Variants in CYP19A1 observed in about 807,000 individuals in gnomAD.
The protein encoded by CYP19A1 is cytochrome P450 family 19 subfamily A member 1.
Under a neutral mutation model 44.4 loss-of-function variants are expected in CYP19A1, and 32 were observed. The observed-to-expected ratio is 0.72, with a 90% confidence interval of 0.54 to 0.97. The LOEUF is 0.97. Ranked by LOEUF, CYP19A1 falls within the 50% of genes least tolerant of loss-of-function variation. The probability of loss-of-function intolerance (pLI) is 0.00; values close to 1 mark genes in which losing one functional copy is unlikely to be tolerated. For synonymous variants in CYP19A1, 212 were observed against 215.6 expected, an observed-to-expected ratio of 0.98 and a Z score of 0.14; for missense variants, 598 against 637.8, an observed-to-expected ratio of 0.94 and a Z score of 0.67.
At chr15:51,288,436 T>A (rs2035760441) in intron 1 of CYP19A1, among the ~76,000 whole-genome samples, 1 of 152,202 alleles carries the variant, frequency 6.6e-6, no homozygotes, top group Admixed American at 6.5e-5. Context: ...CCACACCCTT[T>A]GGGGGTTCCT....
chr15:51,220,473 C>T (rs1419546763), intron 5 of CYP19A1, among the ~76,000 whole-genome samples: 1 of 152,150 alleles, frequency 6.6e-6, no homozygotes. Flanking sequence ...AATAAGCAAT[C>T]AATAAATGTT....
At chr15:51,241,056 C>T (rs1329584828) in intron 2 of CYP19A1, among the ~76,000 whole-genome samples, 1 of 152,198 alleles carries the variant, frequency 6.6e-6, no homozygotes, top group Non-Finnish European at 1.5e-5. Flanking sequence ...GAGCTCCTAC[C>T]TCAGACAGTG....
intron 1 of CYP19A1, among the ~76,000 whole-genome samples, chr15:51,332,922 C>T (rs2036723758): frequency 6.6e-6 from 1 of 152,194 alleles, no homozygotes; most frequent in African/African-American, 2.4e-5. Flanking sequence ...TGGAATTTCT[C>T]AACCTATGAA....
chr15:51,291,806 C>T (rs1004395728), intron 1 of CYP19A1, among the ~76,000 whole-genome samples: 1 of 152,198 alleles, frequency 6.6e-6, no homozygotes, highest in South Asian at 2.1e-4. Context: ...ATGAGCAATA[C>T]ACTCAGCTTA....
chr15:51,297,126 C>T (rs748789000), intron 1 of CYP19A1, among the ~76,000 whole-genome samples: 20 of 152,176 alleles, frequency 1.3e-4, no homozygotes, highest in African/African-American at 2.4e-4. Context: ...GGAACAGGTT[C>T]GCGCAGCCCT....
chr15:51,280,914 A>C (rs2035496690), intron 1 of CYP19A1, among the ~76,000 whole-genome samples: 1 of 152,114 alleles, frequency 6.6e-6, no homozygotes, highest in Non-Finnish European at 1.5e-5. Context: ...TCCATATTCC[A>C]GTCTCAGGAA....
intron 1 of CYP19A1, among the ~76,000 whole-genome samples, chr15:51,333,445 A>C (rs559433936): frequency 6.6e-6 from 1 of 152,308 alleles, no homozygotes; most frequent in East Asian, 1.9e-4. Context: ...TGATGCCCAG[A>C]TACTGGTGCC....
intron 3 of CYP19A1, among the ~76,000 whole-genome samples, chr15:51,229,063 C>T (rs1056124047): frequency 6.6e-6 from 1 of 152,122 alleles, no homozygotes; most frequent in African/African-American, 2.4e-5. Flanking sequence ...TCCCAGAGGA[C>T]TCTAGACCAA....
chr15:51,245,512 T>C (rs1214594916), intron 1 of CYP19A1, among the ~76,000 whole-genome samples: 3 of 151,932 alleles, frequency 2.0e-5, no homozygotes, highest in African/African-American at 7.3e-5. Context: ...AAAGACAAAA[T>C]TGACAAATGG....
At chr15:51,317,003 G>T (rs1004714890) in intron 1 of CYP19A1, among the ~76,000 whole-genome samples, 2 of 152,142 alleles carry the variant, frequency 1.3e-5, no homozygotes, top group Non-Finnish European at 2.9e-5. Context: ...TGCTGGTGTG[G>T]CAAGACAGAG....
chr15:51,242,941 A>T lies in CYP19A1; in HGVS notation c.-29T>A, dbSNP rs769494314. On this transcript the variant is annotated 5_prime_UTR_variant, in exon 2 of 10. In the 5' UTR this introduces an upstream ATG that the reference lacks. Coordinates refer to ENST00000396402, the MANE Select transcript of CYP19A1 (RefSeq NM_000103.4). ...GTGTTCCTTGACCTCAGAGGGGGCA[A>T]TTTAGAGTCCTGTGGAAATCAAAGG... 6.4e-7 allele frequency: 1 copy of T among 1,556,538 alleles called. No individual in the cohort carries two copies. The highest frequency in any genetic ancestry group is 2.2e-5 in the East Asian group (1 of 44,608).
rs1205583684 is a variant in CYP19A1, at chr15:51,210,997, G to A, written c.1323C>T (p.Tyr441=). ...GFGPRGCAGK[Y]IAMVMMKAIL... ...TGGCTTTCATCATCACCATGGCGAT[G>A]TACTTTCCTGCACAGCCACGGGGCC... is the stretch of plus-strand genomic sequence containing the variant. The change falls in exon 10 of 10, where the codon TAC becomes TAT. Residue 441 remains tyrosine, a synonymous_variant. Transcript: ENST00000396402. The A allele has an allele frequency of 1.3e-6, 2 of 1,592,710 alleles. No individual in the cohort carries two copies. Among genetic ancestry groups the A allele is most frequent in the Non-Finnish European group, 1.7e-6 (2 of 1,160,400 alleles).
intron 7 of CYP19A1, 118 bp downstream of exon 7, chr15:51,215,585 T>A (rs2289106): frequency 6.3e-7 from 1 of 1,575,352 alleles, no homozygotes; most frequent in African/African-American, 1.4e-5. Context: ...ATTACAGAAC[T>A]GCTAGAGAAA....
intron 1 of CYP19A1, among the ~76,000 whole-genome samples, chr15:51,264,762 G>A (rs4441215): frequency 6.6e-6 from 1 of 151,860 alleles, no homozygotes; most frequent in Non-Finnish European, 1.5e-5. Flanking sequence ...TGGTTACAGC[G>A]GTGGCACACC....
intron 3 of CYP19A1, among the ~76,000 whole-genome samples, chr15:51,234,756 G>A (rs2033273552): frequency 6.6e-6 from 1 of 152,122 alleles, no homozygotes; most frequent in Admixed American, 6.5e-5. Context: ...CAAACTCCCA[G>A]GGGAGTATTA....
At chr15:51,331,942 TAC>T (rs150596575) in intron 1 of CYP19A1, among the ~76,000 whole-genome samples, 11 of 151,252 alleles carry the variant, frequency 7.3e-5, no homozygotes, top group African/African-American at 2.2e-4. Flanking sequence ...TATACACACA[TAC>T]ACACACACAC....
rs758042526 is a variant in CYP19A1, at chr15:51,210,681, G to C, written c.*127C>G. On this transcript the variant is annotated 3_prime_UTR_variant, in exon 10 of 10. Transcript: ENST00000396402. ...CTAGCTTGGTGACAACCCATAGGAG[G>C]TATGCCTATAAAATGCCATGGGCCA... 9.0e-6 allele frequency: 7 copies of C among 780,492 alleles called. No homozygotes were observed. Among genetic ancestry groups the C allele is most frequent in the Admixed American group, 1.7e-5 (1 of 58,890 alleles). The allele number at this position is 780,492 out of a possible 1,614,324, so 48.3% of individuals were successfully genotyped here.
chr15:51,294,514 C>T (rs1458493824), intron 1 of CYP19A1, among the ~76,000 whole-genome samples: 13 of 148,240 alleles, frequency 8.8e-5, no homozygotes, highest in Admixed American at 2.6e-4. Context: ...CCCCTCCGCC[C>T]GGCAGCCGCC....
At chr15:51,285,311 C>T (rs142881408) in intron 1 of CYP19A1, among the ~76,000 whole-genome samples, 2 of 152,312 alleles carry the variant, frequency 1.3e-5, no homozygotes, top group African/African-American at 2.4e-5. Context: ...CAAACCAGAG[C>T]GACTCCATTT....
Sources: allele counts gnomAD v4.1 joint callset (sites outside exome capture counted in the v4.1 genomes callset), GRCh38; gene constraint gnomAD v4.1.1; transcripts MANE v1.5; gene names NCBI Gene and HGNC (gene_info 2026-07-23, HGNC 2026-07-21).